ADAMTS9: variants seen among roughly 807,000 people sequenced by gnomAD.
The protein encoded by ADAMTS9 is A disintegrin and metalloproteinase with thrombospondin motifs 9.
Under a neutral mutation model 257.1 loss-of-function variants are expected in ADAMTS9, and 107 were observed. That is an observed-to-expected ratio of 0.42 (90% CI 0.36 to 0.49). The LOEUF is 0.49. ADAMTS9 is among the 20% of genes least tolerant of loss of function. The pLI is 0.03. For synonymous variants in ADAMTS9, 982 were observed against 880.9 expected, an observed-to-expected ratio of 1.11 and a Z score of -2.03; for missense variants, 2,353 against 2,469.1, an observed-to-expected ratio of 0.95 and a Z score of 1.00.
chr3:64,553,578 G>A (rs2083295807), intron 30 of ADAMTS9, among the ~76,000 whole-genome samples: 1 of 151,982 alleles, frequency 6.6e-6, no homozygotes, highest in African/African-American at 2.4e-5. Flanking sequence ...GGAATTGCTG[G>A]GTCATATAGT....
At chr3:64,598,605 C>T (rs1336021372) in intron 26 of ADAMTS9, among the ~76,000 whole-genome samples, 1 of 152,106 alleles carries the variant, frequency 6.6e-6, no homozygotes, top group African/African-American at 2.4e-5. Flanking sequence ...CAGGGGTGAG[C>T]CACCATGCCT....
In ADAMTS9 at chr3:64,604,303, G is replaced by A. The variant is rs202038398; in HGVS notation, c.3503C>T (p.Pro1168Leu). The part of the protein sequence containing the change: ...QDCELPSCHP[P>L]PAAPETRRST... Reference sequence around the variant, plus strand: ...TCTCCTCGTTTCCGGGGCAGCTGGGGGAGGATGACATGATGGTAATTCACA... The same window carrying A: ...TCTCCTCGTTTCCGGGGCAGCTGGGAGAGGATGACATGATGGTAATTCACA... The change falls in exon 24 of 40, where the codon CCC (proline) becomes CTC (leucine). Residue 1168 changes from proline to leucine, a missense_variant. Coordinates refer to ENST00000498707, the MANE Select transcript of ADAMTS9 (RefSeq NM_182920.2). 3.7e-6 allele frequency: 6 copies of A among 1,612,746 alleles called. No homozygotes were observed. The Admixed American group carries it at 6.7e-5, about 18-fold the overall frequency.
At position 64,687,700 on chromosome 3, in the gene ADAMTS9, T is replaced by G; in HGVS notation, c.-43A>C. On this transcript the variant is annotated 5_prime_UTR_variant, in exon 1 of 40. Transcript: ENST00000498707. The surrounding 1 kb of genome is among the most constrained non-coding windows in gnomAD (Gnocchi z 4.4). Reference sequence around the variant, plus strand: ...CCTCCGCTGCCCCCACCCCCCTCCCTCCTGCCCTCCTTGGCTGCGGCGGCG... The same window carrying G: ...CCTCCGCTGCCCCCACCCCCCTCCCGCCTGCCCTCCTTGGCTGCGGCGGCG... 1 of 1,264,926 alleles carries G rather than the reference T, an allele frequency of 7.9e-7. No homozygotes were observed. Among genetic ancestry groups the G allele is most frequent in the Non-Finnish European group, 1.0e-6 (1 of 957,982 alleles). The allele number at this position is 1,264,926 out of a possible 1,614,324, so 78.4% of individuals were successfully genotyped here.
rs2106860901 is a variant in ADAMTS9 at position 64,621,107 on chromosome 3, G to A, written c.2813+7C>T. 6.2e-7 allele frequency: 1 copy of A among 1,601,736 alleles called. No individual in the cohort carries two copies. Among genetic ancestry groups the A allele is most frequent in the Non-Finnish European group, 8.5e-7 (1 of 1,175,490 alleles). ...GTAATAAAGGCCTTGAGAAAACAGT[G>A]GCCCACCTCAGGTCACAGTCTGTAC... On this transcript the variant is annotated splice_region_variant and intron_variant, in intron 19 of 39. Coordinates refer to ENST00000498707, the MANE Select transcript of ADAMTS9 (RefSeq NM_182920.2).
At chr3:64,623,831 A>G (rs1700164740) in intron 16 of ADAMTS9, among the ~76,000 whole-genome samples, 1 of 152,198 alleles carries the variant, frequency 6.6e-6, no homozygotes, top group African/African-American at 2.4e-5. Flanking sequence ...CTGAAAGAGC[A>G]CATGGCAGGT....
At chr3:64,647,814 A>T (rs890392816) in intron 11 of ADAMTS9, 126 bp downstream of exon 11, 19 of 745,440 alleles carry the variant, frequency 2.5e-5, no homozygotes, top group Non-Finnish European at 3.6e-5. Flanking sequence ...CTGTCCTCTA[A>T]AAAATATTAT....
chr3:64,573,294 A>T (rs992474850), intron 28 of ADAMTS9, among the ~76,000 whole-genome samples: 1 of 152,072 alleles, frequency 6.6e-6, no homozygotes, highest in Non-Finnish European at 1.5e-5. Context: ...AGTGGTCTGG[A>T]TTGATGAGAT....
intron 29 of ADAMTS9, among the ~76,000 whole-genome samples, chr3:64,564,645 A>G (rs2083496714): frequency 6.6e-6 from 1 of 151,930 alleles, no homozygotes; most frequent in African/African-American, 2.4e-5. Context: ...TGTGCATTGT[A>G]GAAAGTTTAG....
At chr3:64,575,385 T>C (rs2083813837) in intron 28 of ADAMTS9, among the ~76,000 whole-genome samples, 1 of 152,174 alleles carries the variant, frequency 6.6e-6, no homozygotes, top group Non-Finnish European at 1.5e-5. Context: ...TAGCACAGAA[T>C]GCTATTTGGC....
chr3:64,539,406 A>C, intron 36 of ADAMTS9, 112 bp from the exon 37 acceptor site: 7 of 867,840 alleles, frequency 8.1e-6, no homozygotes, highest in Non-Finnish European at 1.1e-5. Context: ...ATAAGAGGGA[A>C]TGGGAGAGAA....
chr3:64,650,867 C>CG, intron 9 of ADAMTS9, 150 bp downstream of exon 9: 1 of 476,564 alleles, frequency 2.1e-6, no homozygotes, highest in East Asian at 4.3e-5. Flanking sequence ...TGTCAGAGAG[C>CG]TTTTTTTTTT....
At chr3:64,565,058 C>T (rs905019356) in intron 29 of ADAMTS9, among the ~76,000 whole-genome samples, 11 of 152,054 alleles carry the variant, frequency 7.2e-5, no homozygotes, top group Non-Finnish European at 1.5e-4. Context: ...TGTCTTCAAA[C>T]AATTCAATAC....
At chr3:64,618,219 A>G (rs1287692652) in intron 19 of ADAMTS9, among the ~76,000 whole-genome samples, 2 of 152,152 alleles carry the variant, frequency 1.3e-5, no homozygotes, top group African/African-American at 4.8e-5. Context: ...TCCTAACCCT[A>G]TGATCTTCAT....
In ADAMTS9 at chr3:64,562,612, G is replaced by A. The variant is rs544348381; in HGVS notation, c.4525-861C>T. ...ACTAAAGGCAACATTTGGAAAGAAT[G>A]GTATATTATTACACTTAGCTATTAA... On this transcript the variant is annotated intron_variant, in intron 29 of 39. Transcript: ENST00000498707. Among the ~76,000 whole-genome samples the A allele has an allele frequency of 2.6e-5, 4 of 152,150 alleles. No individual in the cohort carries two copies. In the East Asian group the frequency reaches 7.7e-4, roughly 29 times the overall value.
At chr3:64,621,787 AAAAAAT>A (rs147858351) in intron 18 of ADAMTS9, among the ~76,000 whole-genome samples, 5,068 of 142,288 alleles carry the variant, frequency 0.036, 239 homozygotes, top group East Asian at 0.23. Flanking sequence ...TAAAAAAATA[AAAAAAT>A]AAAAAGAAAA....
intron 8 of ADAMTS9, among the ~76,000 whole-genome samples, chr3:64,653,422 A>T (rs1700980427): frequency 6.6e-6 from 1 of 152,170 alleles, no homozygotes; most frequent in Non-Finnish European, 1.5e-5. Context: ...CTCTTAATAT[A>T]TGTTTGAAAG....
intron 36 of ADAMTS9, among the ~76,000 whole-genome samples, 165 bp from the exon 37 acceptor site, chr3:64,539,459 T>C (rs1575993264): frequency 1.3e-5 from 2 of 152,276 alleles, no homozygotes; most frequent in Admixed American, 1.3e-4. Flanking sequence ...ATCCAGATGC[T>C]CACTTGCTTT....
intron 12 of ADAMTS9, among the ~76,000 whole-genome samples, chr3:64,637,300 A>G (rs936613812): frequency 1.3e-5 from 2 of 152,182 alleles, no homozygotes; most frequent in African/African-American, 4.8e-5. Context: ...TAGTAGGCAA[A>G]TATTGAAAAT....
At chr3:64,603,343 C>T (rs933963854) in intron 25 of ADAMTS9, among the ~76,000 whole-genome samples, 1 of 152,100 alleles carries the variant, frequency 6.6e-6, no homozygotes, top group Non-Finnish European at 1.5e-5. Flanking sequence ...CTCACCTATA[C>T]TAATGTATTT....
Sources: allele counts gnomAD v4.1 joint callset (sites outside exome capture counted in the v4.1 genomes callset), GRCh38; gene constraint gnomAD v4.1.1; non-coding constraint Gnocchi (gnomAD v3.1); transcripts MANE v1.5; gene names NCBI Gene and HGNC (gene_info 2026-07-23, HGNC 2026-07-21).